The following DGLUCY variants were observed in gnomAD, a reference collection of about 807,000 sequenced individuals.
DGLUCY encodes the protein D-glutamate cyclase.
DGLUCY carries 58 observed loss-of-function variants against 58.5 expected under a neutral mutation model. That is an observed-to-expected ratio of 0.99 (90% confidence interval 0.80 to 1.23). DGLUCY has a LOEUF of 1.23. DGLUCY is among the 50% of genes most tolerant of loss of function. The pLI, the probability that DGLUCY is intolerant of heterozygous loss-of-function variation, is 0.00. For synonymous variants in DGLUCY, 325 were observed against 314.1 expected (o/e 1.03, Z -0.37); for missense variants, 779 against 784.7 (o/e 0.99, Z 0.09).
chr14:91,098,567 G>A (rs2044433040), intron 1 of DGLUCY, among the ~76,000 whole-genome samples: 1 of 152,150 alleles, frequency 6.6e-6, no homozygotes, highest in Non-Finnish European at 1.5e-5. Flanking sequence ...AATAATGGCT[G>A]TATTTAACAA....
At chr14:91,119,523 T>G (rs1487302821) in intron 1 of DGLUCY, among the ~76,000 whole-genome samples, 3 of 152,072 alleles carry the variant, frequency 2.0e-5, no homozygotes, top group Admixed American at 2.0e-4. Flanking sequence ...TGCTAGACAT[T>G]TTTTTTCCAT....
At chr14:91,105,273 C>T (rs1374860927), upstream of DGLUCY, among the ~76,000 whole-genome samples, 1 of 152,102 alleles carries the variant, frequency 6.6e-6, no homozygotes, top group African/African-American at 2.4e-5. Flanking sequence ...CAAAATCTCA[C>T]CACTGCACTC....
chr14:91,224,461 G>A (rs78066180), intron 13 of DGLUCY, among the ~76,000 whole-genome samples: 5 of 152,210 alleles, frequency 3.3e-5, no homozygotes, highest in South Asian at 2.1e-4. Flanking sequence ...AACTATTCCC[G>A]TGATTGTTTC....
chr14:91,182,681 G>A (rs775379879), intron 8 of DGLUCY, among the ~76,000 whole-genome samples: 43 of 152,168 alleles, frequency 2.8e-4, no homozygotes, highest in Admixed American at 2.6e-3. Flanking sequence ...GTTGTATACT[G>A]GATAGCAGGG....
chr14:91,075,450 A>G (rs2044004353), intron 1 of DGLUCY, among the ~76,000 whole-genome samples: 1 of 152,104 alleles, frequency 6.6e-6, no homozygotes, highest in Non-Finnish European at 1.5e-5. Flanking sequence ...ACCTAGAGTC[A>G]TGTTTTTAAT....
At position 91,173,536 on chromosome 14, in the gene DGLUCY, G is replaced by A. The variant is rs1221892965; in HGVS notation, c.607+97G>A. Reference sequence around the variant, plus strand: ...TGCCCATGATCCCCCTGTTCACATCGGCGACCCAGGTCAGTGTCTCTCGCT... The same window carrying A: ...TGCCCATGATCCCCCTGTTCACATCAGCGACCCAGGTCAGTGTCTCTCGCT... On this transcript the variant is annotated intron_variant, in intron 6 of 13. Transcript: ENST00000256324. 139 of 1,417,002 alleles carry A rather than the reference G, an allele frequency of 9.8e-5. 1 individual carries two copies. Among genetic ancestry groups the A allele is most frequent in the Non-Finnish European group, 1.2e-4 (127 of 1,078,296 alleles). The allele number at this position is 1,417,002 out of a possible 1,614,324, so 87.8% of individuals were successfully genotyped here. A position where few individuals can be genotyped will look rare whatever the true frequency, so the allele number is the denominator to read the frequency against.
intron 13 of DGLUCY, among the ~76,000 whole-genome samples, chr14:91,221,856 GAC>G (rs1887569065): frequency 6.6e-6 from 1 of 151,940 alleles, no homozygotes; most frequent in Non-Finnish European, 1.5e-5. Context: ...CCAAGATTAA[GAC>G]ACAAAACAGT....
chr14:91,070,296 G>A (rs1018913118), intron 1 of DGLUCY, among the ~76,000 whole-genome samples: 2 of 152,148 alleles, frequency 1.3e-5, no homozygotes, highest in African/African-American at 2.4e-5. Flanking sequence ...AGAACCCAGA[G>A]AGCCTAGAGT....
chr14:91,073,472 C>T (rs1046519984), intron 1 of DGLUCY, among the ~76,000 whole-genome samples: 14 of 152,092 alleles, frequency 9.2e-5, no homozygotes, highest in Non-Finnish European at 1.3e-4. Context: ...ACTCTGTCAT[C>T]CAGGCTAATG....
chr14:91,100,931 C>T (rs780898001), intron 1 of DGLUCY, among the ~76,000 whole-genome samples: 1 of 152,042 alleles, frequency 6.6e-6, no homozygotes, highest in Non-Finnish European at 1.5e-5. Context: ...ATTAGCTGGG[C>T]ATGGTGGCGC....
intron 12 of DGLUCY, among the ~76,000 whole-genome samples, chr14:91,212,789 T>C (rs1048105313): frequency 1.3e-5 from 2 of 149,808 alleles, no homozygotes; most frequent in Admixed American, 1.3e-4. Flanking sequence ...GATCACGAGG[T>C]TAGGAGATCG....
chr14:91,199,895 C>T lies in DGLUCY; in HGVS notation c.1434C>T (p.Ile478=). The T allele has an allele frequency of 5.0e-6, 8 of 1,614,174 alleles. No individual in the cohort carries two copies. Among genetic ancestry groups the T allele is most frequent in the Middle Eastern group, 1.6e-4 (1 of 6,062 alleles). Residue 478 remains isoleucine (I), a synonymous_variant, in exon 11 of 14, where the codon ATC becomes ATT. Transcript: ENST00000256324. The stretch of plus-strand genomic sequence containing the variant: ...TTGCTGCGAAGAAGATTCCTGGAAT[C>T]TCATCAACTGGTAAGTATGGAGTAC... ...LFLAAKKIPG[I]SSTGVGDGGN...
intron 1 of DGLUCY, among the ~76,000 whole-genome samples, chr14:91,099,154 A>G (rs2044442654): frequency 1.3e-5 from 2 of 152,366 alleles, no homozygotes; most frequent in Admixed American, 6.5e-5. Flanking sequence ...AAATGGGACT[A>G]CTTCCTAACC....
At chr14:91,172,485 C>T (rs1309377718) in intron 5 of DGLUCY, among the ~76,000 whole-genome samples, 1 of 152,204 alleles carries the variant, frequency 6.6e-6, no homozygotes, top group East Asian at 1.9e-4. Context: ...TCATGGCTGG[C>T]AACAGAAATC....
At chr14:91,207,923 T>G (rs1885033798) in intron 12 of DGLUCY, among the ~76,000 whole-genome samples, 1 of 152,164 alleles carries the variant, frequency 6.6e-6, no homozygotes, top group Non-Finnish European at 1.5e-5. Context: ...ATTTTGTATT[T>G]TTTTAGTAGA....
At chr14:91,168,258 CCTGT>C (rs535191458) in intron 4 of DGLUCY, among the ~76,000 whole-genome samples, 196 of 151,748 alleles carry the variant, frequency 1.3e-3, no homozygotes, top group African/African-American at 4.5e-3. Context: ...AGGGCAAGAC[CCTGT>C]CTAAAATATA....
intron 9 of DGLUCY, among the ~76,000 whole-genome samples, 183 bp downstream of exon 9, chr14:91,189,353 C>T (rs934908348): frequency 3.3e-5 from 5 of 152,194 alleles, no homozygotes; most frequent in African/African-American, 9.7e-5. Flanking sequence ...GGGATTTTCC[C>T]AGGTGGAAAT....
chr14:91,118,330 A>G (rs1381702186), intron 1 of DGLUCY, among the ~76,000 whole-genome samples: 1 of 151,934 alleles, frequency 6.6e-6, no homozygotes, highest in Middle Eastern at 3.2e-3. Flanking sequence ...CTGACCTCCA[A>G]GTGATCCACC....
At chr14:91,082,397 G>A (rs1393983731) in intron 1 of DGLUCY, among the ~76,000 whole-genome samples, 6 of 152,136 alleles carry the variant, frequency 3.9e-5, no homozygotes, top group African/African-American at 1.4e-4. Flanking sequence ...AGGCCTTATC[G>A]AAACAGCCAC....
Sources: gnomAD v4.1 joint callset for allele counts (sites outside exome capture counted in the v4.1 genomes callset) on GRCh38, gnomAD v4.1.1 for gene constraint, MANE v1.5 for transcripts, NCBI Gene and HGNC (gene_info 2026-07-23, HGNC 2026-07-21) for gene names.